The following ANKS1B variants were observed in gnomAD, a reference collection of about 807,000 sequenced individuals.
The protein encoded by ANKS1B is ankyrin repeat and sterile alpha motif domain-containing protein 1B.
ANKS1B carries 36 observed loss-of-function variants against 148.3 expected under a neutral mutation model. The ratio of observed to expected loss-of-function variants is 0.24; its 90% CI spans 0.19 to 0.32. ANKS1B has a LOEUF of 0.32. ANKS1B is among the 10% of genes least tolerant of loss of function. ANKS1B has a pLI of 1.00. For synonymous variants in ANKS1B, 542 were observed against 560.8 expected (o/e 0.97, Z 0.47); for missense variants, 1,157 against 1,542.6 (o/e 0.75, Z 4.19).
chr12:99,605,370 T>C (rs1249322352), intron 9 of ANKS1B, among the ~76,000 whole-genome samples: 1 of 151,984 alleles, frequency 6.6e-6, no homozygotes, highest in East Asian at 1.9e-4. Flanking sequence ...TTTTCAAATA[T>C]ATAATACATT....
chr12:99,873,352 G>A (rs534937054), intron 1 of ANKS1B, among the ~76,000 whole-genome samples: 3 of 152,252 alleles, frequency 2.0e-5, no homozygotes, highest in East Asian at 1.9e-4. Context: ...GGAGCCACTC[G>A]ATTCTTTCAA....
intron 12 of ANKS1B, among the ~76,000 whole-genome samples, chr12:99,286,967 G>C (rs78952360): frequency 2.0e-5 from 3 of 152,124 alleles, no homozygotes; most frequent in African/African-American, 4.8e-5. Context: ...TCTGGGCCAG[G>C]GGGGAGCTCA....
intron 1 of ANKS1B, among the ~76,000 whole-genome samples, chr12:99,888,081 C>A (rs188310088): frequency 1.3e-5 from 2 of 152,106 alleles, no homozygotes; most frequent in East Asian, 3.8e-4. Flanking sequence ...TGGAAGCAGA[C>A]GTAGAAAGAG....
chr12:99,572,831 T>G (rs2097474580), intron 9 of ANKS1B, among the ~76,000 whole-genome samples: 1 of 152,100 alleles, frequency 6.6e-6, no homozygotes, highest in African/African-American at 2.4e-5. Flanking sequence ...AGGCTTTAAT[T>G]TATACAAATA....
intron 12 of ANKS1B, among the ~76,000 whole-genome samples, chr12:99,273,561 T>TC (rs2077294094): frequency 6.7e-6 from 1 of 149,970 alleles, no homozygotes; most frequent in Non-Finnish European, 1.5e-5. Flanking sequence ...CAGATTCTTT[T>TC]TTTTTTTTTG....
intron 9 of ANKS1B, among the ~76,000 whole-genome samples, chr12:99,585,516 T>G (rs936248394): frequency 2.0e-5 from 3 of 152,150 alleles, no homozygotes; most frequent in Non-Finnish European, 4.4e-5. Context: ...GGTGGCCCTC[T>G]TCTTACAGCT....
intron 1 of ANKS1B, among the ~76,000 whole-genome samples, chr12:99,971,281 C>G (rs1215687374): frequency 6.6e-6 from 1 of 152,198 alleles, no homozygotes; most frequent in African/African-American, 2.4e-5. Context: ...ACAGACCACT[C>G]TGGTCAATAG....
intron 15 of ANKS1B, among the ~76,000 whole-genome samples, chr12:99,100,678 T>G (rs2057676892): frequency 6.6e-6 from 1 of 152,178 alleles, no homozygotes. Flanking sequence ...TACAGGCACA[T>G]GCCATCACGC....
At chr12:99,402,891 C>T (rs2094441616) in intron 11 of ANKS1B, among the ~76,000 whole-genome samples, 1 of 145,692 alleles carries the variant, frequency 6.9e-6, no homozygotes, top group South Asian at 2.1e-4. Context: ...TGAGGAATCA[C>T]TGCATTCTCT....
chr12:99,039,110 T>C (rs1028340162), intron 17 of ANKS1B, among the ~76,000 whole-genome samples: 3 of 152,258 alleles, frequency 2.0e-5, no homozygotes, highest in Admixed American at 6.5e-5. Context: ...TCAATATAAA[T>C]ACTACATATA....
intron 10 of ANKS1B, among the ~76,000 whole-genome samples, chr12:99,449,266 G>T (rs1383117555): frequency 1.3e-5 from 2 of 152,030 alleles, no homozygotes; most frequent in East Asian, 3.9e-4. Flanking sequence ...TTCTGGATTT[G>T]TGGTTCTGAC....
intron 17 of ANKS1B, among the ~76,000 whole-genome samples, chr12:98,904,239 C>A (rs761811772): frequency 1.3e-5 from 2 of 152,012 alleles, no homozygotes; most frequent in Non-Finnish European, 2.9e-5. Context: ...ATGTAGCATA[C>A]AGGTGACTGA....
chr12:99,479,184 T>C (rs1278268993), intron 10 of ANKS1B, among the ~76,000 whole-genome samples: 1 of 152,044 alleles, frequency 6.6e-6, no homozygotes, highest in Non-Finnish European at 1.5e-5. Flanking sequence ...TTTCTAAACA[T>C]AAAGTTTTCA....
intron 9 of ANKS1B, among the ~76,000 whole-genome samples, chr12:99,581,346 G>T (rs2097567792): frequency 6.6e-6 from 1 of 152,014 alleles, no homozygotes; most frequent in Admixed American, 6.6e-5. Flanking sequence ...GAAACATTTG[G>T]ATATCCAAAT....
At chr12:99,848,427 G>A (rs1484630632) in intron 1 of ANKS1B, among the ~76,000 whole-genome samples, 1 of 152,086 alleles carries the variant, frequency 6.6e-6, no homozygotes, top group African/African-American at 2.4e-5. Context: ...AATATGAGAT[G>A]AAGTTTTCAA....
At chr12:99,217,194 G>A (rs761089042) in intron 14 of ANKS1B, among the ~76,000 whole-genome samples, 4 of 151,974 alleles carry the variant, frequency 2.6e-5, no homozygotes, top group African/African-American at 7.3e-5. Context: ...AAAAATGTAC[G>A]TTAACCTCTC....
At chr12:98,892,366 C>A (rs1005047028) in intron 17 of ANKS1B, among the ~76,000 whole-genome samples, 4 of 152,140 alleles carry the variant, frequency 2.6e-5, no homozygotes, top group African/African-American at 9.7e-5. Flanking sequence ...AAACATCTGC[C>A]AACATTTAAA....
In ANKS1B at chr12:99,596,473, A is replaced by T. The variant is rs183189342; in HGVS notation, c.1272+58594T>A. 4.4e-3 allele frequency among the ~76,000 whole-genome samples: 671 copies of T among 152,030 alleles called. 31 individuals are homozygous for T. The South Asian group carries it at 0.092, about 21-fold the overall frequency. On this transcript the variant is annotated intron_variant, in intron 9 of 26. Transcript: ENST00000683438. ...CCTACTCTAGTATGTCCGCATCTTA[A>T]CTAATTATACCTGCAAAGCCCCTAC...
intron 9 of ANKS1B, among the ~76,000 whole-genome samples, chr12:99,645,971 G>A (rs1478692361): frequency 7.2e-6 from 1 of 138,352 alleles, no homozygotes; most frequent in Non-Finnish European, 1.5e-5. Flanking sequence ...GGAACTCTAA[G>A]ACAAATATCT....
Sources: gnomAD v4.1 joint callset for allele counts (sites outside exome capture counted in the v4.1 genomes callset) on GRCh38, gnomAD v4.1.1 for gene constraint, MANE v1.5 for transcripts, NCBI Gene and HGNC (gene_info 2026-07-23, HGNC 2026-07-21) for gene names.